CEMIP: variants seen among roughly 807,000 people sequenced by gnomAD.
CEMIP encodes cell migration inducing hyaluronidase 1, also known as cell migration-inducing and hyaluronan-binding protein.
CEMIP carries 105 observed loss-of-function variants against 156.9 expected under a neutral mutation model. That is an observed-to-expected ratio of 0.67 (90% CI 0.57 to 0.79). The LOEUF is 0.79. CEMIP is among the 30% of genes least tolerant of loss of function. The probability of loss-of-function intolerance (pLI) is 0.00; values close to 1 mark genes in which losing one functional copy is unlikely to be tolerated. For missense variants in CEMIP, 1,457 were observed against 1,769.4 expected (o/e 0.82, Z 3.17); for synonymous variants, 676 against 668.4 (o/e 1.01, Z -0.17).
chr15:80,869,383 A>G (rs180791801), intron 1 of CEMIP, among the ~76,000 whole-genome samples: 84 of 152,358 alleles, frequency 5.5e-4, no homozygotes, highest in African/African-American at 1.8e-3. Flanking sequence ...ACTGTGCCCA[A>G]GAGAATTCAC....
intron 11 of CEMIP, 62 bp downstream of exon 11, chr15:80,895,184 T>G: frequency 1.2e-6 from 2 of 1,609,574 alleles, no homozygotes; most frequent in African/African-American, 2.7e-5. Context: ...AACTGGCAGC[T>G]ATGCAGGCAA....
intron 23 of CEMIP, among the ~76,000 whole-genome samples, chr15:80,935,309 T>C (rs1193552797): frequency 6.6e-6 from 1 of 152,206 alleles, no homozygotes; most frequent in African/African-American, 2.4e-5. Flanking sequence ...CTGTCAGCAT[T>C]ACACAGCCTC....
chr15:80,896,339 C>T (rs1215709828), intron 12 of CEMIP: 1 of 589,684 alleles, frequency 1.7e-6, no homozygotes, highest in Middle Eastern at 2.6e-4. Context: ...ACATATTCTT[C>T]TCACGGGGGA....
At chr15:80,819,172 C>T (rs1423394342) in intron 1 of CEMIP, among the ~76,000 whole-genome samples, 1 of 152,186 alleles carries the variant, frequency 6.6e-6, no homozygotes, top group East Asian at 1.9e-4. Context: ...CCAAAAATAC[C>T]CAGTCCTATT....
chr15:80,910,847 G>A (rs748519154), intron 14 of CEMIP, among the ~76,000 whole-genome samples: 4 of 152,234 alleles, frequency 2.6e-5, no homozygotes, highest in Non-Finnish European at 5.9e-5. Flanking sequence ...CCAGCAGGTG[G>A]TAGAGGACTG....
At chr15:80,943,983 CA>C (rs1567113365) in intron 28 of CEMIP, among the ~76,000 whole-genome samples, 1 of 152,172 alleles carries the variant, frequency 6.6e-6, no homozygotes, top group East Asian at 1.9e-4. Context: ...CGATCCAACC[CA>C]AAAGTTCTAC....
chr15:80,847,937 C>T (rs1005232547), intron 1 of CEMIP, among the ~76,000 whole-genome samples: 5 of 152,176 alleles, frequency 3.3e-5, no homozygotes, highest in East Asian at 1.9e-4. Context: ...TTTCCAGAGA[C>T]GGTGAAGTCA....
chr15:80,834,306 T>C (rs556703298), intron 1 of CEMIP, among the ~76,000 whole-genome samples: 1 of 152,392 alleles, frequency 6.6e-6, no homozygotes, highest in East Asian at 1.9e-4. Flanking sequence ...CAGAAGTTCT[T>C]AGTGTAGTCC....
At chr15:80,900,638 G>GTGTCTGTGTGTCTGTGTGTC (rs1899466705) in intron 12 of CEMIP, among the ~76,000 whole-genome samples, 2 of 101,926 alleles carry the variant, frequency 2.0e-5, no homozygotes, top group Non-Finnish European at 4.2e-5. Context: ...GTGTGTGTGT[G>GTGTCTGTGTGTCTGTGTGTC]TGTGTGTGTG....
At chr15:80,914,009 T>C (rs538105927) in intron 14 of CEMIP, among the ~76,000 whole-genome samples, 1 of 152,350 alleles carries the variant, frequency 6.6e-6, no homozygotes, top group South Asian at 2.1e-4. Context: ...CTGTCAGTGG[T>C]GTCTTTCTTG....
chr15:80,846,062 C>T (rs2141720517), intron 1 of CEMIP, among the ~76,000 whole-genome samples: 1 of 152,324 alleles, frequency 6.6e-6, no homozygotes, highest in South Asian at 2.1e-4. Context: ...TACCCACCCA[C>T]CTCAGTGTAA....
chr15:80,814,744 T>A (rs762991699), intron 1 of CEMIP, among the ~76,000 whole-genome samples: 142 of 152,336 alleles, frequency 9.3e-4, no homozygotes, highest in Middle Eastern at 3.4e-3. Flanking sequence ...GGAGAATGAA[T>A]GGCTATGAGA....
chr15:80,840,778 T>C (rs1258350492), intron 1 of CEMIP, among the ~76,000 whole-genome samples: 2 of 151,562 alleles, frequency 1.3e-5, no homozygotes, highest in African/African-American at 4.9e-5. Context: ...TCCTAGGGGG[T>C]CCAGGACAGG....
chr15:80,894,842 A>G, intron 10 of CEMIP, 148 bp from the exon 11 acceptor site: 2 of 963,260 alleles, frequency 2.1e-6, no homozygotes, highest in East Asian at 2.5e-5. Context: ...GGGGGCAATC[A>G]TTGGGATAAT....
chr15:80,845,897 G>C (rs1897542242), intron 1 of CEMIP, among the ~76,000 whole-genome samples: 1 of 152,178 alleles, frequency 6.6e-6, no homozygotes, highest in Non-Finnish European at 1.5e-5. Flanking sequence ...TCCAGCACCT[G>C]CCCTCCTCCC....
chr15:80,884,497 A>G, intron 7 of CEMIP, 143 bp downstream of exon 7: 1 of 859,278 alleles, frequency 1.2e-6, no homozygotes, highest in Non-Finnish European at 1.9e-6. Flanking sequence ...TGCATTTGAC[A>G]TCTGAGTTTG....
intron 1 of CEMIP, among the ~76,000 whole-genome samples, chr15:80,820,697 C>T (rs980030769): frequency 6.6e-6 from 1 of 152,138 alleles, no homozygotes; most frequent in African/African-American, 2.4e-5. Flanking sequence ...ATTTAATTCC[C>T]GAGGACAGTG....
chr15:80,921,165 CG>C, intron 16 of CEMIP, 64 bp downstream of exon 16: 1 of 1,413,434 alleles, frequency 7.1e-7, no homozygotes, highest in South Asian at 1.2e-5. Flanking sequence ...GGGAGACAGC[CG>C]AGGCTTACCT....
chr15:80,931,118 C>T (rs931929698), intron 21 of CEMIP, among the ~76,000 whole-genome samples: 13 of 152,248 alleles, frequency 8.5e-5, no homozygotes, highest in East Asian at 1.9e-4. Context: ...CCTACCTCCA[C>T]GTCCAAGCCT....
Sources: allele counts gnomAD v4.1 joint callset (sites outside exome capture counted in the v4.1 genomes callset), GRCh38; gene constraint gnomAD v4.1.1; transcripts MANE v1.5; gene names NCBI Gene and HGNC (gene_info 2026-07-23, HGNC 2026-07-21).